The following PLB1 variants were observed in gnomAD, a reference collection of about 807,000 sequenced individuals.
The protein encoded by PLB1 is phospholipase B1, membrane-associated.
PLB1 carries 242 observed loss-of-function variants against 227.4 expected under a neutral mutation model. That is an observed-to-expected ratio of 1.06 (90% CI 0.96 to 1.18). PLB1 has a LOEUF of 1.18. Ranked by LOEUF, PLB1 falls within the 50% of genes most tolerant of loss-of-function variation. The pLI is 0.00. For missense variants in PLB1, 1,858 were observed against 1,816.3 expected (o/e 1.02, Z -0.42); for synonymous variants, 757 against 682.2 (o/e 1.11, Z -1.71).
intron 33 of PLB1, chr2:28,594,248 G>A (rs755294796): frequency 3.5e-6 from 1 of 283,198 alleles, no homozygotes. Context: ...ATCACAATCA[G>A]CCATGTCTTG....
intron 33 of PLB1, chr2:28,594,672 G>A (rs1040864625): frequency 2.0e-5 from 3 of 152,664 alleles, no homozygotes; most frequent in Non-Finnish European, 4.4e-5. Flanking sequence ...GCCATCACTC[G>A]GCCTGTACCA....
chr2:28,601,345 A>C lies in PLB1; in HGVS notation c.2607+13A>C. The C allele has an allele frequency of 6.2e-7, 1 of 1,611,134 alleles. No homozygotes were observed. The stretch of plus-strand genomic sequence containing the variant: ...CTGCACAGATTCGGTAATTGGGGCC[A>C]GGTCCAGGCCTACTTGTTGTTCCTA... On this transcript the variant is annotated intron_variant, in intron 37 of 57. Transcript: ENST00000327757.
At chr2:28,580,713 C>CA (rs35119977) in intron 23 of PLB1, among the ~76,000 whole-genome samples, 190 of 137,836 alleles carry the variant, frequency 1.4e-3, no homozygotes, top group Non-Finnish European at 1.7e-3. Flanking sequence ...GACTCCATCT[C>CA]AAAAAAAAAA....
At chr2:28,556,332 T>A (rs930471426) in intron 17 of PLB1, among the ~76,000 whole-genome samples, 1 of 152,206 alleles carries the variant, frequency 6.6e-6, no homozygotes, top group Non-Finnish European at 1.5e-5. Flanking sequence ...CTGAGTACAC[T>A]TCAGAGCTCG....
chr2:28,539,198 G>A lies in PLB1; in HGVS notation c.698+20G>A. 2 of 1,596,818 alleles carry A rather than the reference G, an allele frequency of 1.3e-6. No individual in the cohort carries two copies. The highest frequency in any genetic ancestry group is 1.7e-6 in the Non-Finnish European group (2 of 1,164,218). ...GCTCAGGTAAAAGGGGAAGTGGAAT[G>A]AGACACGCATCTGTGACACGGCTGT... On this transcript the variant is annotated intron_variant, in intron 11 of 57. Transcript: ENST00000327757.
intron 1 of PLB1, among the ~76,000 whole-genome samples, chr2:28,504,811 A>T (rs576248807): frequency 6.6e-6 from 1 of 152,220 alleles, no homozygotes; most frequent in Admixed American, 6.5e-5. Flanking sequence ...TGATTTTAGT[A>T]TCCAAAGTCT....
chr2:28,632,109 T>C lies in PLB1; in HGVS notation c.3971T>C (p.Phe1324Ser), dbSNP rs766612286. ...REDFAVVVQPFFQNTLTPLNE... is the reference protein window; with the variant it reads ...REDFAVVVQPSFQNTLTPLNE... The stretch of plus-strand genomic sequence containing the variant: ...GACTTTGCGGTTGTGGTGCAGCCTT[T>C]CTTCCAAAACACACTCACCCCACTG... The change falls in exon 55 of 58, where the codon TTC becomes TCC. Residue 1324 changes from phenylalanine to serine, a missense_variant. Phe to Ser is a radical substitution (Grantham distance 155). Transcript: ENST00000327757. 6 of 1,614,160 alleles carry C rather than the reference T, an allele frequency of 3.7e-6. No homozygotes were observed. The South Asian group carries it at 4.4e-5, about 12-fold the overall frequency.
At position 28,538,282 on chromosome 2, in the gene PLB1, G is replaced by A. The variant is rs745557577; in HGVS notation, c.556-37G>A. On this transcript the variant is annotated intron_variant, in intron 9 of 57. Coordinates refer to ENST00000327757, the MANE Select transcript of PLB1 (RefSeq NM_153021.5). ...GGTGGCCTCACCTCGTGGTCCTCCT[G>A]CAGGCACCCTCACTTAGCACGGTTC... is the stretch of plus-strand genomic sequence containing the variant. 2.5e-6 allele frequency: 4 copies of A among 1,613,834 alleles called. No homozygotes were observed. The South Asian group carries it at 4.4e-5, about 18-fold the overall frequency.
chr2:28,517,827 A>C (rs59594773), intron 2 of PLB1, among the ~76,000 whole-genome samples: 1 of 150,882 alleles, frequency 6.6e-6, no homozygotes, highest in African/African-American at 2.4e-5. Context: ...AGTACTTTAC[A>C]TTACTGTGCA....
chr2:28,588,000 G>A (rs1442537754), intron 26 of PLB1, among the ~76,000 whole-genome samples: 1 of 152,148 alleles, frequency 6.6e-6, no homozygotes, highest in Non-Finnish European at 1.5e-5. Context: ...CGTCACTGAG[G>A]CCCTGATCTA....
At chr2:28,534,056 G>A (rs913775116) in intron 9 of PLB1, among the ~76,000 whole-genome samples, 5 of 152,154 alleles carry the variant, frequency 3.3e-5, no homozygotes, top group Non-Finnish European at 7.3e-5. Flanking sequence ...GTGCTTGTAT[G>A]TATGAGAGAG....
At chr2:28,503,466 A>G (rs761638993) in intron 1 of PLB1, among the ~76,000 whole-genome samples, 5 of 152,140 alleles carry the variant, frequency 3.3e-5, no homozygotes, top group Non-Finnish European at 5.9e-5. Context: ...TTGATCTTCT[A>G]TGTCACCGTT....
intron 43 of PLB1, among the ~76,000 whole-genome samples, chr2:28,610,860 G>A (rs991575192): frequency 8.0e-5 from 12 of 150,898 alleles, no homozygotes; most frequent in African/African-American, 1.4e-4. Flanking sequence ...CTACTAGACC[G>A]GTTCCTTGTT....
chr2:28,573,284 C>CA lies in PLB1; in HGVS notation c.1412_1413insA (p.Val472CysfsTer7), dbSNP rs758583683. On this transcript the variant is annotated frameshift_variant, in exon 21 of 58. Coordinates refer to ENST00000327757, the MANE Select transcript of PLB1 (RefSeq NM_153021.5). LOFTEE classifies it high-confidence loss of function. ...AGTCCTAATGCCTTCTTAAACCAGG[C>CA]TGTGGCAGGAGGCCGAGCTGAGTAA... 1 of 1,613,838 alleles carries CA rather than the reference C, an allele frequency of 6.2e-7. No homozygotes were observed. Among genetic ancestry groups the CA allele is most frequent in the East Asian group, 2.2e-5 (1 of 44,888 alleles).
chr2:28,582,367 G>A, intron 24 of PLB1, 38 bp from the exon 25 acceptor site: 1 of 1,576,694 alleles, frequency 6.3e-7, no homozygotes, highest in Middle Eastern at 1.7e-4. Context: ...AGGCTGCCCA[G>A]CCTCATCCTC....
At chr2:28,539,850 G>A (rs1572847522) in intron 11 of PLB1, among the ~76,000 whole-genome samples, 1 of 151,632 alleles carries the variant, frequency 6.6e-6, no homozygotes, top group Non-Finnish European at 1.5e-5. Flanking sequence ...GATGAAGGGG[G>A]AGAAAGAGCT....
At chr2:28,629,306 T>G (rs1688272109) in intron 53 of PLB1, 121 bp downstream of exon 53, 1 of 776,892 alleles carries the variant, frequency 1.3e-6, no homozygotes, top group African/African-American at 1.8e-5. Flanking sequence ...TAGACATGGC[T>G]CAGGGGCTTG....
chr2:28,499,824 G>T (rs1368358121), intron 1 of PLB1, among the ~76,000 whole-genome samples: 1 of 152,092 alleles, frequency 6.6e-6, no homozygotes, highest in African/African-American at 2.4e-5. Context: ...GGTGGAGGTT[G>T]TAGTAAGCCG....
At chr2:28,609,597 C>G (rs1449889603) in intron 43 of PLB1, among the ~76,000 whole-genome samples, 1 of 152,178 alleles carries the variant, frequency 6.6e-6, no homozygotes, top group Non-Finnish European at 1.5e-5. Context: ...CTTTTTGACG[C>G]TCAGAGCTTC....
Sources: allele counts gnomAD v4.1 joint callset (sites outside exome capture counted in the v4.1 genomes callset), GRCh38; gene constraint gnomAD v4.1.1; transcripts MANE v1.5; gene names NCBI Gene and HGNC (gene_info 2026-07-23, HGNC 2026-07-21).